The following CCDC192 variants were observed in gnomAD, a reference collection of about 807,000 sequenced individuals.
CCDC192 encodes the protein coiled-coil domain-containing protein 192.
chr5:127,784,969 G>A (rs1366803926), intron 3 of CCDC192: 1 of 475,216 alleles, frequency 2.1e-6, no homozygotes, highest in South Asian at 1.6e-5. Context: ...CACCTCATCA[G>A]CATTTACATT....
intron 2 of CCDC192, among the ~76,000 whole-genome samples, chr5:127,752,292 G>A (rs942863156): frequency 5.9e-5 from 9 of 152,120 alleles, no homozygotes; most frequent in African/African-American, 2.2e-4. Flanking sequence ...TGGGTTTTTG[G>A]TGTGGATGTC....
At chr5:127,873,855 G>A (rs1436381529) in intron 5 of CCDC192, among the ~76,000 whole-genome samples, 3 of 152,186 alleles carry the variant, frequency 2.0e-5, no homozygotes. Flanking sequence ...ACTCACCAGA[G>A]ACAGAGGTAT....
intron 5 of CCDC192, among the ~76,000 whole-genome samples, chr5:127,829,884 C>T (rs1331124167): frequency 6.6e-6 from 1 of 152,086 alleles, no homozygotes; most frequent in African/African-American, 2.4e-5. Flanking sequence ...ATGAGAATAA[C>T]ATACCGGTGG....
intron 1 of CCDC192, among the ~76,000 whole-genome samples, chr5:127,704,141 C>T (rs1351830607): frequency 6.6e-6 from 1 of 152,168 alleles, no homozygotes; most frequent in Non-Finnish European, 1.5e-5. Context: ...GGGCAGTATC[C>T]TTGTGGGATG....
At chr5:127,870,432 T>G (rs1206391643) in intron 5 of CCDC192, among the ~76,000 whole-genome samples, 3 of 152,342 alleles carry the variant, frequency 2.0e-5, no homozygotes, top group Non-Finnish European at 4.4e-5. Flanking sequence ...CTAATGGTGC[T>G]ATTGCTTAGT....
intron 5 of CCDC192, among the ~76,000 whole-genome samples, chr5:127,843,485 T>C (rs1324712022): frequency 2.6e-5 from 4 of 151,362 alleles, no homozygotes; most frequent in Non-Finnish European, 5.9e-5. Flanking sequence ...TCGCCCAGGC[T>C]GGAGTGCAGT....
At chr5:127,800,466 G>C (rs1490420674) in intron 5 of CCDC192, among the ~76,000 whole-genome samples, 1 of 147,814 alleles carries the variant, frequency 6.8e-6, no homozygotes, top group Non-Finnish European at 1.5e-5. Flanking sequence ...TCCTGCAAGA[G>C]TTATCCATGT....
At position 127,752,387 on chromosome 5, in the gene CCDC192, G is replaced by C. The variant is rs10053550; in HGVS notation, c.115-1881G>C. On this transcript the variant is annotated intron_variant, in intron 2 of 6. Transcript: ENST00000514853. ...GTACCCTGCCGTGTGAGGTGTCAGT[G>C]TGCCCCTGCTGGAGGGTGCCTCCCA... Among the ~76,000 whole-genome samples, 1,350 of 152,294 alleles carry C rather than the reference G, an allele frequency of 8.9e-3. 23 individuals are homozygous for C. Among genetic ancestry groups the C allele is most frequent in the African/African-American group, 0.031 (1,281 of 41,544 alleles).
chr5:127,934,370 A>G (rs1055030666), intron 6 of CCDC192, among the ~76,000 whole-genome samples: 7 of 152,232 alleles, frequency 4.6e-5, no homozygotes, highest in Admixed American at 1.3e-4. Context: ...CTAATTTTAT[A>G]TACTACATTT....
At position 127,868,246 on chromosome 5, in the gene CCDC192, C is replaced by G. The variant is rs569070213; in HGVS notation, c.412-7292C>G. 2.6e-5 allele frequency among the ~76,000 whole-genome samples: 4 copies of G among 152,208 alleles called. No homozygotes were observed. In the East Asian group the frequency reaches 7.7e-4, roughly 29 times the overall value. On this transcript the variant is annotated intron_variant, in intron 5 of 6. Coordinates refer to ENST00000514853, the MANE Select transcript of CCDC192 (RefSeq NM_001317938.2). ...CCCACTGCAGATTCCCATGACGTAG[C>G]CATCCCATTGCTCTTCAGTTCTTAT...
At position 127,941,266 on chromosome 5, in the gene CCDC192, C is replaced by G. The variant is rs985321398; in HGVS notation, c.620C>G (p.Ser207Ter). 3 of 398,898 alleles carry G rather than the reference C, an allele frequency of 7.5e-6. No individual in the cohort carries two copies. Among genetic ancestry groups the G allele is most frequent in the African/African-American group, 6.2e-5 (3 of 48,608 alleles). The allele number at this position is 398,898 out of a possible 1,614,324, so 24.7% of individuals were successfully genotyped here. A position where few individuals can be genotyped will look rare whatever the true frequency, so the allele number is the denominator to read the frequency against. ...DRKISLIMEL[S>*]TQVSLQTERI... ...AAAATTAGCCTGATAATGGAACTGT[C>G]AACCCAGGTTTCCCTTCAGACTGAG... is the stretch of plus-strand genomic sequence containing the variant. Residue 207 changes from serine (S) to a stop codon, truncating the protein, a stop_gained, in exon 7 of 7, where the codon TCA becomes TGA. Coordinates refer to ENST00000514853, the MANE Select transcript of CCDC192 (RefSeq NM_001317938.2). LOFTEE classifies it low-confidence loss of function (END_TRUNC).
intron 1 of CCDC192, among the ~76,000 whole-genome samples, chr5:127,705,596 C>A (rs890036780): frequency 6.6e-6 from 1 of 152,004 alleles, no homozygotes; most frequent in Admixed American, 6.6e-5. Context: ...GGTGGATGTC[C>A]AAAACCTGCT....
At chr5:127,855,729 G>A (rs1751036484) in intron 5 of CCDC192, among the ~76,000 whole-genome samples, 1 of 152,210 alleles carries the variant, frequency 6.6e-6, no homozygotes, top group Non-Finnish European at 1.5e-5. Context: ...TGGATGTTAT[G>A]TGAGTAGGCA....
chr5:127,714,351 T>C (rs887342260), intron 2 of CCDC192, among the ~76,000 whole-genome samples: 3 of 152,198 alleles, frequency 2.0e-5, no homozygotes, highest in Admixed American at 1.3e-4. Context: ...GCTTTGGATA[T>C]TGACCCAGTA....
At chr5:127,939,730 G>T (rs1021014709) in intron 6 of CCDC192, among the ~76,000 whole-genome samples, 3 of 150,570 alleles carry the variant, frequency 2.0e-5, no homozygotes, top group Non-Finnish European at 4.4e-5. Context: ...CAGCAAAGCT[G>T]GTCCATTTTC....
intron 2 of CCDC192, among the ~76,000 whole-genome samples, chr5:127,716,406 T>G (rs1406366679): frequency 6.6e-6 from 1 of 152,192 alleles, no homozygotes; most frequent in East Asian, 1.9e-4. Context: ...CTTCATAGAC[T>G]GAGTTAGCAA....
At chr5:127,840,758 AAG>A (rs1448735287) in intron 5 of CCDC192, among the ~76,000 whole-genome samples, 2 of 152,224 alleles carry the variant, frequency 1.3e-5, no homozygotes, top group African/African-American at 4.8e-5. Flanking sequence ...GTGAAAGAGA[AAG>A]AGTTACTAGA....
At chr5:127,802,072 T>C (rs1757534232) in intron 5 of CCDC192, among the ~76,000 whole-genome samples, 2 of 152,156 alleles carry the variant, frequency 1.3e-5, no homozygotes, top group African/African-American at 4.8e-5. Flanking sequence ...GAACTCAAAA[T>C]AGGGAGAGAA....
intron 5 of CCDC192, among the ~76,000 whole-genome samples, chr5:127,803,951 G>A (rs1034298977): frequency 3.3e-5 from 5 of 152,222 alleles, no homozygotes; most frequent in African/African-American, 1.2e-4. Context: ...GTGTAGGACA[G>A]ATGAGTGAAT....
Sources: allele counts gnomAD v4.1 joint callset (sites outside exome capture counted in the v4.1 genomes callset), GRCh38; gene constraint gnomAD v4.1.1; transcripts MANE v1.5; gene names NCBI Gene and HGNC (gene_info 2026-07-23, HGNC 2026-07-21).